The following ATXN10 variants were observed in gnomAD, a reference collection of about 807,000 sequenced individuals.
ATXN10 encodes ataxin-10.
Under a neutral mutation model 52.9 loss-of-function variants are expected in ATXN10, and 28 were observed. The ratio of observed to expected loss-of-function variants is 0.53; its 90% CI spans 0.39 to 0.73. ATXN10 has a LOEUF of 0.73. Among genes scored for constraint, ATXN10 ranks in the 30% least tolerant of loss-of-function variants. ATXN10 has a pLI of 0.00. For missense variants in ATXN10, 565 were observed against 577.0 expected (o/e 0.98, Z 0.21); for synonymous variants, 226 against 221.5 (o/e 1.02, Z -0.18).
chr22:45,788,298 T>A (rs1364290391), intron 9 of ATXN10, among the ~76,000 whole-genome samples: 2 of 152,078 alleles, frequency 1.3e-5, no homozygotes, highest in Non-Finnish European at 2.9e-5. Flanking sequence ...ACTGTGCCCT[T>A]GAGTCCCGCA....
intron 7 of ATXN10, among the ~76,000 whole-genome samples, chr22:45,735,654 C>T (rs1271810351): frequency 6.6e-6 from 1 of 151,974 alleles, no homozygotes; most frequent in East Asian, 1.9e-4. Flanking sequence ...AGGAATAATT[C>T]TGTATTAATA....
At position 45,766,032 on chromosome 22, in the gene ATXN10, G is replaced by A. The variant is rs1213606569; in HGVS notation, c.1173+25494G>A. ...CATTGGCACGTGAAGGGGCTGACAG[G>A]CTAATGGGGCACAGTAGAAAAATGC... On this transcript the variant is annotated intron_variant, in intron 9 of 11. Coordinates refer to ENST00000252934, the MANE Select transcript of ATXN10 (RefSeq NM_013236.4). The surrounding 1 kb of genome is among the most constrained non-coding windows in gnomAD (Gnocchi z 4.6). Among the ~76,000 whole-genome samples, 4 of 152,322 alleles carry A rather than the reference G, an allele frequency of 2.6e-5. No individual in the cohort carries two copies. The highest frequency in any genetic ancestry group is 1.9e-4 in the East Asian group (1 of 5,192).
chr22:45,776,897 A>T (rs1926977597), intron 9 of ATXN10, among the ~76,000 whole-genome samples: 1 of 152,176 alleles, frequency 6.6e-6, no homozygotes, highest in South Asian at 2.1e-4. Context: ...AAGGATCTGT[A>T]CCGTTTTCAG....
rs763889171 is a variant in ATXN10 at position 45,754,977 on chromosome 22, C to T, written c.1173+14439C>T. 9.9e-5 allele frequency among the ~76,000 whole-genome samples: 15 copies of T among 152,212 alleles called. No homozygotes were observed. Among genetic ancestry groups the T allele is most frequent in the Admixed American group, 4.6e-4 (7 of 15,288 alleles). ...CTTCTCTGCCTGTGAGCTGCGAGAC[C>T]GTCCCTCAACACACAGGACTGACTG... On this transcript the variant is annotated intron_variant, in intron 9 of 11. Coordinates refer to ENST00000252934, the MANE Select transcript of ATXN10 (RefSeq NM_013236.4). This position sits in a 1 kb window ranked among gnomAD's most constrained non-coding sequence, Gnocchi z 5.4.
intron 5 of ATXN10, among the ~76,000 whole-genome samples, chr22:45,710,570 C>T (rs1924207255): frequency 6.6e-6 from 1 of 152,192 alleles, no homozygotes; most frequent in South Asian, 2.1e-4. Context: ...CCATAAGGCC[C>T]TGGAGTTTGT....
intron 10 of ATXN10, among the ~76,000 whole-genome samples, chr22:45,810,599 C>G (rs190911933): frequency 6.6e-6 from 1 of 152,300 alleles, no homozygotes; most frequent in African/African-American, 2.4e-5. Flanking sequence ...ACATACAGTA[C>G]TTAGTTTCCA....
intron 10 of ATXN10, among the ~76,000 whole-genome samples, chr22:45,813,731 G>A (rs2146892024): frequency 6.6e-6 from 1 of 152,136 alleles, no homozygotes; most frequent in East Asian, 1.9e-4. Flanking sequence ...GTTATAGTGA[G>A]TGTGAAATGT....
rs995072904 is a variant in ATXN10 at position 45,757,434 on chromosome 22, C to T, written c.1173+16896C>T. On this transcript the variant is annotated intron_variant, in intron 9 of 11. Transcript: ENST00000252934. The surrounding 1 kb of genome is among the most constrained non-coding windows in gnomAD (Gnocchi z 4.6). ...ATGCCTGAGGCTCCGAGGTGGGAGCCCAGGCTGGGATTCAGGATTTCGCTG... is the reference window on the plus strand; with the variant it reads ...ATGCCTGAGGCTCCGAGGTGGGAGCTCAGGCTGGGATTCAGGATTTCGCTG... 1.3e-5 allele frequency among the ~76,000 whole-genome samples: 2 copies of T among 152,088 alleles called. No individual in the cohort carries two copies. The highest frequency in any genetic ancestry group is 2.9e-5 in the Non-Finnish European group (2 of 68,004).
At chr22:45,679,544 C>A (rs1296517533) in intron 1 of ATXN10, 1 of 152,134 alleles carries the variant, frequency 6.6e-6, no homozygotes, top group Non-Finnish European at 1.5e-5. Context: ...ATGGATTTTC[C>A]CCGGACATTA....
At position 45,806,967 on chromosome 22, in the gene ATXN10, G is replaced by A; in HGVS notation, c.1182G>A (p.Glu394=). ...KNKDNQDKVN[E]LDGIPLILDN... ...ATCTTCTTTCTCTCTAGGTAAATGA[G>A]CTGGATGGTATCCCGTTGATCCTGG... Residue 394 remains glutamate, a synonymous_variant, in exon 10 of 12, where the codon GAG becomes GAA. Coordinates refer to ENST00000252934, the MANE Select transcript of ATXN10 (RefSeq NM_013236.4). The A allele has an allele frequency of 1.2e-6, 2 of 1,613,578 alleles. No homozygotes were observed. Among genetic ancestry groups the A allele is most frequent in the South Asian group, 2.2e-5 (2 of 91,074 alleles).
chr22:45,727,325 C>CTA lies in ATXN10; in HGVS notation c.729-2098_729-2097dup, dbSNP rs1555890570. Among the ~76,000 whole-genome samples the CTA allele has an allele frequency of 3.6e-4, 45 of 124,298 alleles. No individual in the cohort carries two copies. Among genetic ancestry groups the CTA allele is most frequent in the Admixed American group, 9.3e-4 (11 of 11,856 alleles). 81.5% of individuals were successfully genotyped at this position (124,298 alleles called of 152,430 possible). On this transcript the variant is annotated intron_variant, in intron 6 of 11. Coordinates refer to ENST00000252934, the MANE Select transcript of ATXN10 (RefSeq NM_013236.4). The surrounding 1 kb of genome is among the most constrained non-coding windows in gnomAD (Gnocchi z 4.6). ...GATATAGTTCTGTCTGTCTGTCTAT[C>CTA]TATCTATATCTATCTATCTATCTAT...
chr22:45,685,292 A>G (rs900276032), intron 1 of ATXN10, among the ~76,000 whole-genome samples: 1 of 152,326 alleles, frequency 6.6e-6, no homozygotes, highest in African/African-American at 2.4e-5. Flanking sequence ...TACCTTTTGT[A>G]TAATTCAAAG....
chr22:45,682,353 G>A (rs1019334925), intron 1 of ATXN10, among the ~76,000 whole-genome samples: 1 of 151,300 alleles, frequency 6.6e-6, no homozygotes, highest in African/African-American at 2.4e-5. Context: ...GTCTCGCTCT[G>A]TCACCCAGGC....
rs989848377 is a variant in ATXN10 at position 45,781,184 on chromosome 22, G to A, written c.1174-25775G>A. On this transcript the variant is annotated intron_variant, in intron 9 of 11. Transcript: ENST00000252934. The surrounding 1 kb of genome is among the most constrained non-coding windows in gnomAD (Gnocchi z 4.2). ...ACCAACAATGGCTGAATGGGGAGCC[G>A]AAACAGAAACCTTCCCCTGGTTATA... Among the ~76,000 whole-genome samples, 2 of 152,264 alleles carry A rather than the reference G, an allele frequency of 1.3e-5. No individual in the cohort carries two copies. Among genetic ancestry groups the A allele is most frequent in the South Asian group, 2.1e-4 (1 of 4,820 alleles).
chr22:45,686,585 C>T (rs181920394), intron 1 of ATXN10, among the ~76,000 whole-genome samples: 5 of 152,052 alleles, frequency 3.3e-5, no homozygotes, highest in East Asian at 3.9e-4. Flanking sequence ...TCTGGGAGGC[C>T]GAGGCGGGCA....
Position 45,787,687 on chromosome 22 carries a change from T to C in ATXN10, c.1174-19272T>C, listed in dbSNP as rs135997. 0.87 allele frequency among the ~76,000 whole-genome samples: 133,098 copies of C among 152,232 alleles called. 58,480 individuals are homozygous for C. Among genetic ancestry groups the C allele is most frequent in the African/African-American group, 0.96 (40,082 of 41,560 alleles). ...ATTCAGTTTAGTGAGGTCTATATGT[T>C]TGTCTGTGTGTTATTCCTGTATAAT... On this transcript the variant is annotated intron_variant, in intron 9 of 11. Coordinates refer to ENST00000252934, the MANE Select transcript of ATXN10 (RefSeq NM_013236.4). This position sits in a 1 kb window ranked among gnomAD's most constrained non-coding sequence, Gnocchi z 4.2.
chr22:45,796,738 T>C (rs1175268900), intron 9 of ATXN10, among the ~76,000 whole-genome samples: 7 of 152,160 alleles, frequency 4.6e-5, no homozygotes, highest in Admixed American at 4.6e-4. Flanking sequence ...CCTCAAATTA[T>C]CCTCCCACCT....
intron 9 of ATXN10, among the ~76,000 whole-genome samples, chr22:45,803,067 ACTG>A (rs1927980622): frequency 6.6e-6 from 1 of 152,202 alleles, no homozygotes; most frequent in Non-Finnish European, 1.5e-5. Flanking sequence ...GTCACCAACT[ACTG>A]CTATCACTCC....
chr22:45,707,481 A>T (rs1924086656), intron 5 of ATXN10, among the ~76,000 whole-genome samples: 1 of 152,056 alleles, frequency 6.6e-6, no homozygotes, highest in Admixed American at 6.6e-5. Flanking sequence ...AGGATCAATC[A>T]TTAGAGTCAA....
Sources: gnomAD v4.1 joint callset for allele counts (sites outside exome capture counted in the v4.1 genomes callset) on GRCh38, gnomAD v4.1.1 for gene constraint, Gnocchi (gnomAD v3.1) non-coding constraint, MANE v1.5 for transcripts, NCBI Gene and HGNC (gene_info 2026-07-23, HGNC 2026-07-21) for gene names.